The following CERS1 variants were observed in gnomAD, a reference collection of about 807,000 sequenced individuals.
CERS1 encodes the protein Embryonic growth/differentiation factor 1.
CERS1 carries 16 observed loss-of-function variants against 35.7 expected under a neutral mutation model. The ratio of observed to expected loss-of-function variants is 0.45; its 90% CI spans 0.30 to 0.68. The LOEUF (loss-of-function observed/expected upper bound fraction) is 0.68, where lower values mean the gene tolerates loss of function less well. CERS1 is among the 30% of genes least tolerant of loss of function. The pLI is 0.08. For missense variants in CERS1, 454 were observed against 453.9 expected (o/e 1.00, Z 0.00); for synonymous variants, 243 against 201.6 (o/e 1.21, Z -1.74).
Position 18,880,331 on chromosome 19 carries a change from T to G in CERS1, c.695A>C (p.Tyr232Ser), listed in dbSNP as rs1237007461. Residue 232 changes from tyrosine to serine, a missense_variant, in exon 4 of 8, where the codon TAC becomes TCC. Tyr to Ser is a moderately radical substitution (Grantham distance 144, BLOSUM62 -2). Transcript: ENST00000623882. ...NIYFKSRGGSYHRLHALAADL... is the reference protein window; with the variant it reads ...NIYFKSRGGSSHRLHALAADL... ...TGCTGCCAAGGCATGCAGCCGATGG[T>G]AGGAGCCGCCGCGGGACTTGAAGTA... is the stretch of plus-strand genomic sequence containing the variant. 1.9e-6 allele frequency: 3 copies of G among 1,555,036 alleles called. No homozygotes were observed. The highest frequency in any genetic ancestry group is 2.6e-6 in the Non-Finnish European group (3 of 1,149,506).
At chr19:18,892,538 C>T (rs1040338049) in intron 2 of CERS1, among the ~76,000 whole-genome samples, 74 of 152,108 alleles carry the variant, frequency 4.9e-4, no homozygotes, top group Non-Finnish European at 6.0e-4. Flanking sequence ...GGCGTGAACC[C>T]AGGAGGCGGA....
chr19:18,879,002 T>C lies in CERS1; in HGVS notation c.938A>G (p.Gln313Arg). 1.2e-6 allele frequency: 2 copies of C among 1,613,744 alleles called. No individual in the cohort carries two copies. The highest frequency in any genetic ancestry group is 1.7e-6 in the Non-Finnish European group (2 of 1,179,836). ...CCGCAGGTCCTTCAGCTCGTGCACCTGGCCTGTCAACACCTTGGCTGCAAA... is the reference window on the plus strand; with the variant it reads ...CCGCAGGTCCTTCAGCTCGTGCACCCGGCCTGTCAACACCTTGGCTGCAAA... ...VAFAAKVLTG[Q>R]VHELKDLREY... The change falls in exon 6 of 8, where the codon CAG becomes CGG. Residue 313 changes from glutamine (Q) to arginine (R), a missense_variant. Gln to Arg is a conservative substitution (Grantham distance 43, BLOSUM62 1). Coordinates refer to ENST00000623882, the MANE Select transcript of CERS1 (RefSeq NM_021267.5).
intron 1 of CERS1, among the ~76,000 whole-genome samples, chr19:18,894,032 G>A (rs1384022582): frequency 1.3e-5 from 2 of 151,724 alleles, no homozygotes; most frequent in Non-Finnish European, 2.9e-5. Flanking sequence ...CGCCCCCTCA[G>A]TGGGAGATTC....
chr19:18,870,269 G>A lies in CERS1; in HGVS notation c.*308C>T, dbSNP rs1307695733. 4 of 1,550,524 alleles carry A rather than the reference G, an allele frequency of 2.6e-6. No individual in the cohort carries two copies. Among genetic ancestry groups the A allele is most frequent in the Admixed American group, 2.0e-5 (1 of 51,054 alleles). On this transcript the variant is annotated 3_prime_UTR_variant, in exon 7 of 8. Transcript: ENST00000623882. This position sits in a 1 kb window ranked among gnomAD's most constrained non-coding sequence, Gnocchi z 5.1. Reference sequence around the variant, plus strand: ...GCAGCAGCAGGGCCAGGAGGAGGAGGAGGTGGTGGCCGCAGGGACCTTGCT... The same window carrying A: ...GCAGCAGCAGGGCCAGGAGGAGGAGAAGGTGGTGGCCGCAGGGACCTTGCT...
chr19:18,885,321 C>T (rs2056321883), intron 2 of CERS1, among the ~76,000 whole-genome samples: 1 of 151,856 alleles, frequency 6.6e-6, no homozygotes, highest in Admixed American at 6.6e-5. Flanking sequence ...CCACCTCAGC[C>T]TCCTGAGTAG....
chr19:18,888,535 A>C (rs933743477), intron 2 of CERS1, among the ~76,000 whole-genome samples: 28 of 148,638 alleles, frequency 1.9e-4, no homozygotes, highest in African/African-American at 3.5e-4. Flanking sequence ...AAAAAAAAAA[A>C]AAAAAAAAAA....
intron 2 of CERS1, among the ~76,000 whole-genome samples, chr19:18,890,952 C>T (rs1178721387): frequency 2.0e-5 from 3 of 151,864 alleles, no homozygotes; most frequent in South Asian, 2.1e-4. Flanking sequence ...GGTGAAACCT[C>T]GTCTCTACTA....
chr19:18,869,886 C>A lies in CERS1; in HGVS notation c.*594+97G>T, dbSNP rs1249070047. ...GTAGCCTGGACAGGGCGGGTGGGGACCCTCGGAGCTGCTCGGGCATCCCCG... is the reference window on the plus strand; with the variant it reads ...GTAGCCTGGACAGGGCGGGTGGGGAACCTCGGAGCTGCTCGGGCATCCCCG... On this transcript the variant is annotated intron_variant, in intron 7 of 7. Transcript: ENST00000623882. The A allele has an allele frequency of 4.9e-6, 6 of 1,225,530 alleles. No homozygotes were observed. In the African/African-American group the frequency reaches 7.5e-5, roughly 15 times the overall value. The allele number at this position is 1,225,530 out of a possible 1,614,324, so 75.9% of individuals were successfully genotyped here.
chr19:18,874,539 G>A (rs2056028451), intron 6 of CERS1, among the ~76,000 whole-genome samples: 1 of 152,226 alleles, frequency 6.6e-6, no homozygotes, highest in South Asian at 2.1e-4. Flanking sequence ...ACGGAGCATT[G>A]AGTGCAGGTC....
chr19:18,878,205 G>T lies in CERS1; in HGVS notation c.1010+725C>A. 5 of 985,536 alleles carry T rather than the reference G, an allele frequency of 5.1e-6. No homozygotes were observed. The highest frequency in any genetic ancestry group is 4.8e-6 in the Non-Finnish European group (4 of 830,072). The allele number at this position is 985,536 out of a possible 1,614,324, so 61.0% of individuals were successfully genotyped here. A position where few individuals can be genotyped will look rare whatever the true frequency, so the allele number is the denominator to read the frequency against. ...TCCACAACCTCCTGCCCCGGCTCCT[G>T]CTCAAACACTCCTCACGTTGCCTAT... On this transcript the variant is annotated intron_variant, in intron 6 of 7. Transcript: ENST00000623882. The surrounding 1 kb of genome is among the most constrained non-coding windows in gnomAD (Gnocchi z 4.6).
At chr19:18,873,384 C>T (rs1271075062) in intron 6 of CERS1, among the ~76,000 whole-genome samples, 2 of 151,904 alleles carry the variant, frequency 1.3e-5, no homozygotes, top group African/African-American at 4.8e-5. Context: ...AGAGACAGAG[C>T]AGGAGTGCAG....
chr19:18,890,878 CTT>C, intron 2 of CERS1, among the ~76,000 whole-genome samples: 1 of 151,224 alleles, frequency 6.6e-6, no homozygotes. Flanking sequence ...AATCCTGACA[CTT>C]TGGGAGGCTG....
intron 6 of CERS1, among the ~76,000 whole-genome samples, chr19:18,876,454 A>G (rs781779566): frequency 3.4e-5 from 5 of 147,460 alleles, no homozygotes; most frequent in Non-Finnish European, 7.5e-5. Flanking sequence ...TGATCCTCCC[A>G]CCTCAGCCTC....
Position 18,868,781 on chromosome 19 carries a change from G to A in CERS1, c.*1204C>T, listed in dbSNP as rs759759832. ...CAGCACAGCGTGGTTGAGCGCCGGC[G>A]GCCCCCCGGACCCCGACAGCGCGAC... On this transcript the variant is annotated 3_prime_UTR_variant, in exon 8 of 8. Coordinates refer to ENST00000623882, the MANE Select transcript of CERS1 (RefSeq NM_021267.5). 11 of 1,465,844 alleles carry A rather than the reference G, an allele frequency of 7.5e-6. No homozygotes were observed. In the South Asian group the frequency reaches 1.2e-4, roughly 17 times the overall value. 90.8% of individuals were successfully genotyped at this position (1,465,844 alleles called of 1,614,324 possible).
In CERS1 at chr19:18,891,692, C is replaced by T. The variant is rs538929792; in HGVS notation, c.409+1724G>A. Among the ~76,000 whole-genome samples the T allele has an allele frequency of 1.1e-3, 172 of 152,096 alleles. 1 individual carries two copies. Among genetic ancestry groups the T allele is most frequent in the Non-Finnish European group, 2.1e-3 (144 of 68,006 alleles). On this transcript the variant is annotated intron_variant, in intron 2 of 7. Coordinates refer to ENST00000623882, the MANE Select transcript of CERS1 (RefSeq NM_021267.5). Reference sequence around the variant, plus strand: ...TACCGGGTTCAAGCAATTCTCCCACCTCAGCCTCCCAAGTAGCTGGTACTA... The same window carrying T: ...TACCGGGTTCAAGCAATTCTCCCACTTCAGCCTCCCAAGTAGCTGGTACTA...
In CERS1 at chr19:18,884,131, G is replaced by A. The variant is rs1251219842; in HGVS notation, c.546C>T (p.His182=). ...CGATGAGGATGAGAGTGACCACGTG[G>A]TGGAGCAGCATGACCACCGAGTCCT... ...WRKDSVVMLL[H]HVVTLILIVS... is the part of the protein sequence containing the mutation. Residue 182 remains histidine (H), a synonymous_variant, in exon 3 of 8, where the codon CAC becomes CAT. Coordinates refer to ENST00000623882, the MANE Select transcript of CERS1 (RefSeq NM_021267.5). 6.2e-6 allele frequency: 10 copies of A among 1,613,608 alleles called. No homozygotes were observed. Among genetic ancestry groups the A allele is most frequent in the Non-Finnish European group, 8.5e-6 (10 of 1,179,794 alleles).
At chr19:18,869,590 G>A (rs1354579904) in intron 7 of CERS1, among the ~76,000 whole-genome samples, 200 bp from the exon 8 acceptor site, 1 of 151,012 alleles carries the variant, frequency 6.6e-6, no homozygotes, top group Non-Finnish European at 1.5e-5. Flanking sequence ...GTGCGGCGGG[G>A]GGGGTGGGCT....
At chr19:18,894,287 G>A (rs1010904267) in intron 1 of CERS1, among the ~76,000 whole-genome samples, 1 of 151,972 alleles carries the variant, frequency 6.6e-6, no homozygotes, top group Non-Finnish European at 1.5e-5. Flanking sequence ...AGAGCTGCCC[G>A]GCCAAGCCCC....
At chr19:18,891,391 C>A (rs1203480332) in intron 2 of CERS1, among the ~76,000 whole-genome samples, 1 of 152,184 alleles carries the variant, frequency 6.6e-6, no homozygotes, top group East Asian at 1.9e-4. Flanking sequence ...CCGCAGCCCC[C>A]ACTGCCCCAT....
Sources: allele counts gnomAD v4.1 joint callset (sites outside exome capture counted in the v4.1 genomes callset), GRCh38; gene constraint gnomAD v4.1.1; non-coding constraint Gnocchi (gnomAD v3.1); transcripts MANE v1.5; gene names NCBI Gene and HGNC (gene_info 2026-07-23, HGNC 2026-07-21).